Variants in JAKMIP2 observed in about 807,000 individuals in gnomAD.
JAKMIP2 encodes janus kinase and microtubule interacting protein 2, also known as janus kinase and microtubule-interacting protein 2.
In JAKMIP2, 25 loss-of-function variants were observed where a neutral mutation model predicts 115.0. The observed-to-expected ratio is 0.22, with a 90% CI of 0.16 to 0.30. JAKMIP2 has a LOEUF of 0.30. Among genes scored for constraint, JAKMIP2 ranks in the 10% least tolerant of loss-of-function variants. The pLI, the probability that JAKMIP2 is intolerant of heterozygous loss-of-function variation, is 1.00. For synonymous variants in JAKMIP2, 334 were observed against 343.6 expected (o/e 0.97, Z 0.31); for missense variants, 642 against 957.6 (o/e 0.67, Z 4.35).
intron 1 of JAKMIP2, among the ~76,000 whole-genome samples, chr5:147,778,657 T>C (rs1048464947): frequency 2.0e-5 from 3 of 151,966 alleles, no homozygotes; most frequent in African/African-American, 7.2e-5. Flanking sequence ...ATTGAAATGA[T>C]AGAATATAAA....
intron 1 of JAKMIP2, among the ~76,000 whole-genome samples, chr5:147,698,194 C>G (rs961804716): frequency 6.6e-6 from 1 of 152,184 alleles, no homozygotes; most frequent in African/African-American, 2.4e-5. Context: ...GGATTTTGGA[C>G]TTGCATGACC....
intron 12 of JAKMIP2, 26 bp from the exon 13 acceptor site, chr5:147,632,804 G>A (rs1757426607): frequency 1.4e-6 from 2 of 1,480,168 alleles, no homozygotes; most frequent in Non-Finnish European, 1.9e-6. Context: ...CTGAAGTTAG[G>A]TAAGCATTGA....
intron 1 of JAKMIP2, among the ~76,000 whole-genome samples, chr5:147,673,314 C>T (rs1484424208): frequency 2.6e-5 from 4 of 152,158 alleles, no homozygotes; most frequent in African/African-American, 9.7e-5. Context: ...TCTCTTGCAA[C>T]CTTTCAGAAA....
At chr5:147,631,334 T>C (rs771588234) in intron 14 of JAKMIP2, 79 bp downstream of exon 14, 44 of 783,720 alleles carry the variant, frequency 5.6e-5, no homozygotes, top group Non-Finnish European at 8.5e-5. Context: ...AAAGACAAAA[T>C]AGTCGTAAGT....
intron 16 of JAKMIP2, among the ~76,000 whole-genome samples, chr5:147,628,423 A>G (rs568993893): frequency 2.0e-5 from 3 of 152,334 alleles, no homozygotes; most frequent in Admixed American, 6.5e-5. Context: ...CCAGTTTATC[A>G]TCGCCCCGCA....
intron 1 of JAKMIP2, among the ~76,000 whole-genome samples, chr5:147,694,116 T>C (rs1751993862): frequency 6.6e-6 from 1 of 152,198 alleles, no homozygotes; most frequent in Non-Finnish European, 1.5e-5. Context: ...GGCTAGAACC[T>C]AGCTCTTGTC....
chr5:147,705,127 G>T, intron 1 of JAKMIP2, among the ~76,000 whole-genome samples: 1 of 152,150 alleles, frequency 6.6e-6, no homozygotes, highest in East Asian at 1.9e-4. Flanking sequence ...TTCTTAAAAT[G>T]CCTTTTACAT....
chr5:147,779,751 T>C (rs922830646), intron 1 of JAKMIP2, among the ~76,000 whole-genome samples: 5 of 152,128 alleles, frequency 3.3e-5, no homozygotes, highest in African/African-American at 1.2e-4. Flanking sequence ...AAACAACTAA[T>C]GTACTCTCTC....
chr5:147,668,278 T>C (rs1200727536), intron 2 of JAKMIP2, among the ~76,000 whole-genome samples: 7 of 152,156 alleles, frequency 4.6e-5, no homozygotes, highest in African/African-American at 1.4e-4. Context: ...CACGAAACCA[T>C]AGTTTATCTC....
chr5:147,690,387 T>C (rs1388337364), intron 1 of JAKMIP2, among the ~76,000 whole-genome samples: 2 of 151,684 alleles, frequency 1.3e-5, no homozygotes, highest in African/African-American at 4.8e-5. Context: ...TAAAGTGGTA[T>C]GTCCAGTCTA....
At chr5:147,718,657 G>C (rs1208112272) in intron 1 of JAKMIP2, among the ~76,000 whole-genome samples, 1 of 152,076 alleles carries the variant, frequency 6.6e-6, no homozygotes, top group Admixed American at 6.6e-5. Flanking sequence ...AGTATTCTCT[G>C]ATGGTAGTTT....
chr5:147,640,821 C>T lies in JAKMIP2; in HGVS notation c.1284G>A (p.Arg428=). The T allele has an allele frequency of 1.9e-6, 3 of 1,610,974 alleles. No homozygotes were observed. The highest frequency in any genetic ancestry group is 2.5e-6 in the Non-Finnish European group (3 of 1,179,118). The change falls in exon 9 of 22, where the codon AGG becomes AGA. Residue 428 remains arginine (R), a splice_region_variant and synonymous_variant. Transcript: ENST00000616793. ...AGCCAATAAACGGGTCCAAAACAGG[C>T]CTCTAAATGGAGGGAAAGTACCTAT... ...KHRRSSKPIK[R]PVLDPFIGYD...
Position 147,661,270 on chromosome 5 carries a change from C to G in JAKMIP2, c.305G>C (p.Arg102Thr). 1 of 1,613,948 alleles carries G rather than the reference C, an allele frequency of 6.2e-7. No homozygotes were observed. The highest frequency in any genetic ancestry group is 8.5e-7 in the Non-Finnish European group (1 of 1,180,016). ...CTCTCCATCACGTACCTTCACCGTC[C>G]TTGACATTTCCTGCTCGTGCTGCTT... ...LIKQHEQEMS[R>T]TVKVRDGEIQ... Residue 102 changes from arginine to threonine, a missense_variant, in exon 3 of 22, where the codon AGG (arginine) becomes ACG (threonine). Coordinates refer to ENST00000616793, the MANE Select transcript of JAKMIP2 (RefSeq NM_001270941.2).
chr5:147,604,804 TTATTATTA>T (rs1755906069), intron 20 of JAKMIP2, among the ~76,000 whole-genome samples: 151 of 3,326 alleles, frequency 0.045, 1 homozygote, highest in African/African-American at 0.048. Context: ...AGACATTTTA[TTATTATTA>T]TTATTATTAT....
At chr5:147,767,872 G>C (rs1163055276) in intron 1 of JAKMIP2, among the ~76,000 whole-genome samples, 1 of 152,142 alleles carries the variant, frequency 6.6e-6, no homozygotes, top group Admixed American at 6.6e-5. Flanking sequence ...ACTAAGTGAT[G>C]AAGTTTCAAG....
intron 12 of JAKMIP2, 80 bp downstream of exon 12, chr5:147,636,142 C>T (rs535552720): frequency 1.7e-6 from 2 of 1,211,094 alleles, no homozygotes; most frequent in Admixed American, 1.8e-5. Flanking sequence ...CCCTGTGCCA[C>T]TCCTGAGAGC....
At position 147,591,367 on chromosome 5, in the gene JAKMIP2, A is replaced by G. The variant is rs906045386; in HGVS notation, c.*340T>C. 1.2e-5 allele frequency: 4 copies of G among 343,898 alleles called. No homozygotes were observed. The highest frequency in any genetic ancestry group is 2.1e-5 in the Non-Finnish European group (4 of 191,440). 21.3% of individuals were successfully genotyped at this position (343,898 alleles called of 1,614,324 possible). ...GTAACTTTGGTTCCATGCCCAAGAC[A>G]CATCTTTGCTTGATCTGCAGAAACT... On this transcript the variant is annotated 3_prime_UTR_variant, in exon 22 of 22. Transcript: ENST00000616793.
At chr5:147,669,433 G>A (rs546576836) in intron 2 of JAKMIP2, among the ~76,000 whole-genome samples, 1 of 152,268 alleles carries the variant, frequency 6.6e-6, no homozygotes, top group African/African-American at 2.4e-5. Flanking sequence ...CTTAGACAAC[G>A]GTGCCAGGCC....
At chr5:147,661,692 A>G (rs1758986330) in intron 2 of JAKMIP2, 1 of 455,614 alleles carries the variant, frequency 2.2e-6, no homozygotes, top group South Asian at 3.0e-5. Context: ...GGGCCTTACT[A>G]TGCAATGTGT....
Sources: allele counts gnomAD v4.1 joint callset (sites outside exome capture counted in the v4.1 genomes callset), GRCh38; gene constraint gnomAD v4.1.1; transcripts MANE v1.5; gene names NCBI Gene and HGNC (gene_info 2026-07-23, HGNC 2026-07-21).